The following LINGO2 variants were observed in gnomAD, a reference collection of about 807,000 sequenced individuals.
The protein encoded by LINGO2 is leucine rich repeat and Ig domain containing 2, also known as leucine-rich repeat and immunoglobulin-like domain-containing nogo receptor-interacting protein 2.
In LINGO2, 14 loss-of-function variants were observed where a neutral mutation model predicts 30.6. The ratio of observed to expected loss-of-function variants is 0.46; its 90% CI spans 0.30 to 0.72. The LOEUF (loss-of-function observed/expected upper bound fraction) is 0.72. Ranked by LOEUF, LINGO2 falls within the 30% of genes least tolerant of loss-of-function variation. The pLI, the probability that LINGO2 is intolerant of heterozygous loss-of-function variation, is 0.07. For missense variants in LINGO2, 729 were observed against 751.7 expected (o/e 0.97, Z 0.35); for synonymous variants, 317 against 288.5 (o/e 1.10, Z -1.00).
At chr9:29,009,142 C>T in the LINGO2 span, among the ~76,000 whole-genome samples, 1 of 152,122 alleles carries the variant, frequency 6.6e-6, no homozygotes, top group Non-Finnish European at 1.5e-5. Context: ...GATGCCCTCT[C>T]TCACCACTCC....
At position 27,948,777 on chromosome 9, in the gene LINGO2, A is replaced by G. The variant is rs1009297321; in HGVS notation, c.*74T>C. On this transcript the variant is annotated 3_prime_UTR_variant, in exon 6 of 6. Coordinates refer to ENST00000379992, the Ensembl canonical transcript of LINGO2. ...GCTGCACATGGCTGCCTCTTAATCTAGTAATTTACTGTGCCATACTGTCTT... is the reference window on the plus strand; with the variant it reads ...GCTGCACATGGCTGCCTCTTAATCTGGTAATTTACTGTGCCATACTGTCTT... 4 of 1,490,050 alleles carry G rather than the reference A, an allele frequency of 2.7e-6. No homozygotes were observed. The East Asian group carries it at 6.8e-5, about 25-fold the overall frequency. The allele number at this position is 1,490,050 out of a possible 1,614,324, so 92.3% of individuals were successfully genotyped here. A position where few individuals can be genotyped will look rare whatever the true frequency, so the allele number is the denominator to read the frequency against.
intron 1 of LINGO2, among the ~76,000 whole-genome samples, chr9:28,582,911 A>T (rs1463296536): frequency 6.6e-6 from 1 of 152,004 alleles, no homozygotes; most frequent in African/African-American, 2.4e-5. Flanking sequence ...ATCATGTTTA[A>T]TCTTTTTAAC....
the LINGO2 span, among the ~76,000 whole-genome samples, chr9:28,844,818 T>C: frequency 6.6e-6 from 1 of 151,994 alleles, no homozygotes; most frequent in South Asian, 2.1e-4. Context: ...ATACAGTTTG[T>C]CATTTTGCTG....
intron 4 of LINGO2, among the ~76,000 whole-genome samples, chr9:28,059,650 T>G (rs1825080526): frequency 6.6e-6 from 1 of 152,128 alleles, no homozygotes; most frequent in South Asian, 2.1e-4. Context: ...TCTAGCAACT[T>G]TTGTGGGAAG....
At chr9:29,164,449 GCATTTCT>G in the LINGO2 span, among the ~76,000 whole-genome samples, 1 of 152,048 alleles carries the variant, frequency 6.6e-6, no homozygotes, top group Non-Finnish European at 1.5e-5. Flanking sequence ...TTTGAAATAA[GCATTTCT>G]CTCACCTGGT....
intron 4 of LINGO2, among the ~76,000 whole-genome samples, chr9:28,136,193 A>G (rs923401252): frequency 6.6e-6 from 1 of 152,188 alleles, no homozygotes; most frequent in African/African-American, 2.4e-5. Flanking sequence ...AATTTTTACA[A>G]AGTTACTGTG....
chr9:28,763,994 C>CT, the LINGO2 span, among the ~76,000 whole-genome samples: 34 of 151,508 alleles, frequency 2.2e-4, no homozygotes, highest in African/African-American at 8.2e-4. Flanking sequence ...TCTGAATAGA[C>CT]CAATAACAAA....
chr9:28,351,529 G>C (rs1382246918), intron 3 of LINGO2, among the ~76,000 whole-genome samples: 1 of 147,430 alleles, frequency 6.8e-6, no homozygotes, highest in Non-Finnish European at 1.5e-5. Flanking sequence ...ACCAAAAAGA[G>C]TCCAGGACCA....
In LINGO2 at chr9:28,118,694, A is replaced by T. The variant is rs528408401; in HGVS notation, c.-86-106289T>A. ...ATATACAATTATATGTACATTCAAT[A>T]TTACTGTAAAATTAACTTATGCTTC... On this transcript the variant is annotated intron_variant, in intron 4 of 5. Transcript: ENST00000379992. Among the ~76,000 whole-genome samples the T allele has an allele frequency of 9.2e-5, 14 of 152,358 alleles. No homozygotes were observed. In the South Asian group the frequency reaches 2.9e-3, roughly 32 times the overall value.
intron 4 of LINGO2, among the ~76,000 whole-genome samples, chr9:28,284,811 A>T (rs1386733829): frequency 6.6e-6 from 1 of 152,218 alleles, no homozygotes; most frequent in East Asian, 1.9e-4. Flanking sequence ...TAGAAAAACC[A>T]TTCTGGTAAT....
chr9:28,922,937 A>G, the LINGO2 span, among the ~76,000 whole-genome samples: 1 of 152,196 alleles, frequency 6.6e-6, no homozygotes, highest in Non-Finnish European at 1.5e-5. Context: ...AAATGTCTTT[A>G]TAAAAGGGAG....
At chr9:29,189,278 G>C in the LINGO2 span, among the ~76,000 whole-genome samples, 14,876 of 147,536 alleles carry the variant, frequency 0.1, 1,040 homozygotes, top group African/African-American at 0.2. Context: ...GGGGCTGACC[G>C]CCACCTCCCT....
intron 4 of LINGO2, among the ~76,000 whole-genome samples, chr9:28,228,681 A>G (rs1045864791): frequency 6.6e-6 from 1 of 151,954 alleles, no homozygotes; most frequent in Non-Finnish European, 1.5e-5. Context: ...TTTAAAAATC[A>G]CTTACAAAGT....
At chr9:28,321,325 C>T (rs1825033931) in intron 3 of LINGO2, among the ~76,000 whole-genome samples, 1 of 152,088 alleles carries the variant, frequency 6.6e-6, no homozygotes, top group Non-Finnish European at 1.5e-5. Context: ...TCATTCAGCC[C>T]ACAAGATATA....
chr9:28,097,453 A>G (rs1216367171), intron 4 of LINGO2, among the ~76,000 whole-genome samples: 1 of 146,608 alleles, frequency 6.8e-6, no homozygotes, highest in African/African-American at 2.5e-5. Flanking sequence ...CAACAATGAT[A>G]GACTGGATTA....
At chr9:28,060,771 G>A (rs1036240634) in intron 4 of LINGO2, among the ~76,000 whole-genome samples, 1 of 152,150 alleles carries the variant, frequency 6.6e-6, no homozygotes, top group Non-Finnish European at 1.5e-5. Flanking sequence ...TCAGTCCAAG[G>A]TTGGGCAAAT....
intron 2 of LINGO2, among the ~76,000 whole-genome samples, chr9:28,380,995 C>T (rs2134629173): frequency 6.6e-6 from 1 of 152,152 alleles, no homozygotes; most frequent in Non-Finnish European, 1.5e-5. Context: ...GGAGCTTCCT[C>T]TACACAGGGC....
intron 4 of LINGO2, among the ~76,000 whole-genome samples, chr9:28,104,269 T>TTTTTTTTTTTTTTTTTTTTG (rs1826510939): frequency 7.0e-6 from 1 of 142,428 alleles, no homozygotes; most frequent in Non-Finnish European, 1.5e-5. Context: ...TTTGTTTGTT[T>TTTTTTTTTTTTTTTTTTTTG]TTTTTTTTTT....
chr9:28,045,996 T>G (rs1824405170), intron 4 of LINGO2, among the ~76,000 whole-genome samples: 2 of 152,104 alleles, frequency 1.3e-5, no homozygotes, highest in Admixed American at 1.3e-4. Context: ...TGGCAAAAAG[T>G]TTAGACCTAT....
Sources: gnomAD v4.1 joint callset for allele counts (sites outside exome capture counted in the v4.1 genomes callset) on GRCh38, gnomAD v4.1.1 for gene constraint, MANE v1.5 for transcripts, NCBI Gene and HGNC (gene_info 2026-07-23, HGNC 2026-07-21) for gene names.